Variants in KIR2DL1 observed in about 807,000 individuals in gnomAD.
KIR2DL1 encodes killer cell immunoglobulin-like receptor 2DL1.
A neutral mutation model predicts 33.9 loss-of-function variants in KIR2DL1; 38 were observed. That is an observed-to-expected ratio of 1.12 (90% CI 0.86 to 1.47). The LOEUF is 1.47. KIR2DL1 is among the 40% of genes most tolerant of loss of function. KIR2DL1 has a pLI of 0.00. For synonymous variants in KIR2DL1, 179 were observed against 165.9 expected, an observed-to-expected ratio of 1.08 and a Z score of -0.61; for missense variants, 531 against 433.9, an observed-to-expected ratio of 1.22 and a Z score of -1.99.
chr19:54,777,127 C>A (rs10410426), intron 4 of KIR2DL1, among the ~76,000 whole-genome samples: 1,614 of 146,460 alleles, frequency 0.011, 42 homozygotes, highest in African/African-American at 0.037. Flanking sequence ...TTTTGCTCTT[C>A]TCACCCAGGC....
chr19:54,777,278 A>G (rs2076463670), intron 4 of KIR2DL1, among the ~76,000 whole-genome samples: 1 of 148,762 alleles, frequency 6.7e-6, no homozygotes, highest in Non-Finnish European at 1.5e-5. Context: ...TTTAGTAGAG[A>G]CAGCGTTTCT....
At chr19:54,773,670 A>T (rs1367228929) in intron 3 of KIR2DL1, 38 bp downstream of exon 3, 2 of 1,500,278 alleles carry the variant, frequency 1.3e-6, no homozygotes, top group South Asian at 2.3e-5. Flanking sequence ...TGTCATTGGG[A>T]TGCAGAGTGA....
intron 5 of KIR2DL1, among the ~76,000 whole-genome samples, chr19:54,779,520 T>C (rs2076728224): frequency 6.8e-6 from 1 of 146,092 alleles, no homozygotes; most frequent in Non-Finnish European, 1.5e-5. Flanking sequence ...CTGCTCTCCC[T>C]TCTTCCTCAT....
intron 5 of KIR2DL1, 53 bp from the exon 6 acceptor site, chr19:54,782,869 A>T (rs992172203): frequency 9.5e-6 from 15 of 1,579,052 alleles, no homozygotes; most frequent in South Asian, 5.5e-5. Context: ...GAGACAATTC[A>T]TAAAGAGGAA....
In KIR2DL1 at chr19:54,773,492, A is replaced by G. The variant is rs150190837; in HGVS notation, c.230A>G (p.His77Arg). Residue 77 changes from histidine (H) to arginine (R), a missense_variant, in exon 3 of 8, where the codon CAT (histidine) becomes CGT (arginine). By Grantham distance (29) the His-to-Arg change is conservative. Coordinates refer to ENST00000336077, the MANE Select transcript of KIR2DL1 (RefSeq NM_014218.3). ...ACTTTGCGCCTCATTGGAGAACACC[A>G]TGATGGGGTCTCCAAGGCCAACTTC... ...NDTLRLIGEHHDGVSKANFSI... is the reference protein window; with the variant it reads ...NDTLRLIGEHRDGVSKANFSI... 1.9e-4 allele frequency: 297 copies of G among 1,548,514 alleles called. 3 individuals carry two copies. Among genetic ancestry groups the G allele is most frequent in the Non-Finnish European group, 2.6e-4 (289 of 1,131,722 alleles).
Position 54,779,330 on chromosome 19 carries a change from C to T in KIR2DL1, c.715+668C>T, listed in dbSNP as rs768440516. Among the ~76,000 whole-genome samples the T allele has an allele frequency of 6.1e-4, 91 of 149,176 alleles. 5 individuals carry two copies. Among genetic ancestry groups the T allele is most frequent in the Non-Finnish European group, 9.8e-4 (65 of 66,434 alleles). On this transcript the variant is annotated intron_variant, in intron 5 of 7. Coordinates refer to ENST00000336077, the MANE Select transcript of KIR2DL1 (RefSeq NM_014218.3). ...GGCTAAAATCAAGGTGACAGCAAGG[C>T]TGCCTTCCCTCTGAGGATTCCAGGC...
In KIR2DL1 at chr19:54,773,386, G is replaced by C; in HGVS notation, c.124G>C (p.Glu42Gln). The C allele has an allele frequency of 6.3e-7, 1 of 1,599,214 alleles. No homozygotes were observed. The highest frequency in any genetic ancestry group is 8.5e-7 in the Non-Finnish European group (1 of 1,170,296). Residue 42 changes from glutamate (E) to glutamine (Q), a missense_variant, in exon 3 of 8, where the codon GAA (glutamate) becomes CAA (glutamine). Glu to Gln is a conservative substitution (Grantham distance 29). Transcript: ENST00000336077. ...CCACCCAGGTCGCCTGGTGAAATCA[G>C]AAGAGACAGTCATCCTGCAGTGTTG... ...LAHPGRLVKS[E>Q]ETVILQCWSD...
At position 54,775,660 on chromosome 19, in the gene KIR2DL1, C is replaced by A. The variant is rs1247665156; in HGVS notation, c.664+202C>A. 2.0e-5 allele frequency among the ~76,000 whole-genome samples: 3 copies of A among 148,606 alleles called. No homozygotes were observed. The Admixed American group carries it at 2.0e-4, about 10-fold the overall frequency. On this transcript the variant is annotated intron_variant, in intron 4 of 7. Coordinates refer to ENST00000336077, the MANE Select transcript of KIR2DL1 (RefSeq NM_014218.3). The stretch of plus-strand genomic sequence containing the variant: ...CCTGCATGGAGGCCCACGGCCAGGG[C>A]TCCAGGCACCCAGGCAGATGGAGAA...
Position 54,783,852 on chromosome 19 carries a change from C to A in KIR2DL1, c.*39C>A. ...GCCTTGAGGGCGTCTTCTAGGGAGA[C>A]AACAGCCCTGTCTCAAAACCGGGTT... On this transcript the variant is annotated 3_prime_UTR_variant, in exon 8 of 8. Transcript: ENST00000336077. The A allele has an allele frequency of 6.8e-6, 11 of 1,613,686 alleles. No homozygotes were observed. In the South Asian group the frequency reaches 8.8e-5, roughly 13 times the overall value.
intron 4 of KIR2DL1, among the ~76,000 whole-genome samples, chr19:54,776,634 C>CTTTTTT (rs113294942): frequency 6.2e-5 from 8 of 128,314 alleles, no homozygotes; most frequent in Non-Finnish European, 1.0e-4. Context: ...TGAAAGTTCT[C>CTTTTTT]TTTTTTTTTT....
chr19:54,783,962 A>T lies in KIR2DL1; in HGVS notation c.*149A>T. On this transcript the variant is annotated 3_prime_UTR_variant, in exon 8 of 8. Transcript: ENST00000336077. ...CGATCTTCCTCACACCACAAATCTG[A>T]ATGTGCCTCTCTCTTGCTTACAAAT... The T allele has an allele frequency of 8.2e-7, 1 of 1,225,236 alleles. No homozygotes were observed. The highest frequency in any genetic ancestry group is 1.2e-6 in the Non-Finnish European group (1 of 837,780). The allele number at this position is 1,225,236 out of a possible 1,614,324, so 75.9% of individuals were successfully genotyped here.
chr19:54,783,944 C>T lies in KIR2DL1; in HGVS notation c.*131C>T. 3.1e-6 allele frequency: 4 copies of T among 1,296,760 alleles called. No homozygotes were observed. Among genetic ancestry groups the T allele is most frequent in the Non-Finnish European group, 4.5e-6 (4 of 897,774 alleles). The allele number at this position is 1,296,760 out of a possible 1,614,324, so 80.3% of individuals were successfully genotyped here. Reference sequence around the variant, plus strand: ...GTCTGCATCTTAGGGCATCGATCTTCCTCACACCACAAATCTGAATGTGCC... The same window carrying T: ...GTCTGCATCTTAGGGCATCGATCTTTCTCACACCACAAATCTGAATGTGCC... On this transcript the variant is annotated 3_prime_UTR_variant, in exon 8 of 8. Coordinates refer to ENST00000336077, the MANE Select transcript of KIR2DL1 (RefSeq NM_014218.3).
At chr19:54,783,160 G>A in intron 6 of KIR2DL1, 137 bp downstream of exon 6, 1 of 1,016,262 alleles carries the variant, frequency 9.8e-7, no homozygotes, top group Non-Finnish European at 1.5e-6. Flanking sequence ...ACTTTCTAGA[G>A]AGGGCACCAG....
At chr19:54,771,682 G>A (rs1314649959) in intron 2 of KIR2DL1, among the ~76,000 whole-genome samples, 1 of 148,284 alleles carries the variant, frequency 6.7e-6, no homozygotes, top group East Asian at 1.9e-4. Flanking sequence ...TGATTCTTCA[G>A]TGTCATTCTT....
intron 5 of KIR2DL1, among the ~76,000 whole-genome samples, chr19:54,781,435 A>T (rs1307725260): frequency 6.7e-6 from 1 of 150,092 alleles, no homozygotes; most frequent in African/African-American, 2.4e-5. Flanking sequence ...CACAAAAAAA[A>T]CTTGCCCACT....
chr19:54,775,634 G>T (rs576692307), intron 4 of KIR2DL1, among the ~76,000 whole-genome samples, 176 bp downstream of exon 4: 12 of 148,816 alleles, frequency 8.1e-5, no homozygotes, highest in African/African-American at 2.9e-4. Flanking sequence ...CTCCTACATG[G>T]CCTGCATGGA....
rs1234222253 is a variant in KIR2DL1, at chr19:54,776,342, C to G, written c.664+884C>G. Among the ~76,000 whole-genome samples the G allele has an allele frequency of 1.4e-5, 2 of 146,836 alleles. 1 individual carries two copies. Among genetic ancestry groups the G allele is most frequent in the East Asian group, 3.9e-4 (2 of 5,160 alleles). ...CCTTCATGAGATCCACCTTTTAGCT[C>G]CTGTATATGGGTGAGAAATGGGAAT... is the stretch of plus-strand genomic sequence containing the variant. On this transcript the variant is annotated intron_variant, in intron 4 of 7. Transcript: ENST00000336077.
chr19:54,772,970 C>T (rs1257303680), intron 2 of KIR2DL1, among the ~76,000 whole-genome samples: 3 of 148,104 alleles, frequency 2.0e-5, no homozygotes, highest in East Asian at 1.9e-4. Context: ...GATTCCAATT[C>T]GTCCAAAAGA....
intron 4 of KIR2DL1, among the ~76,000 whole-genome samples, chr19:54,776,353 G>A (rs1337508101): frequency 6.1e-5 from 9 of 146,364 alleles, no homozygotes; most frequent in African/African-American, 1.8e-4. Context: ...CTGTATATGG[G>A]TGAGAAATGG....
Sources: gnomAD v4.1 joint callset for allele counts (sites outside exome capture counted in the v4.1 genomes callset) on GRCh38, gnomAD v4.1.1 for gene constraint, MANE v1.5 for transcripts, NCBI Gene and HGNC (gene_info 2026-07-23, HGNC 2026-07-21) for gene names.